Variants in PLEKHH2 observed in about 807,000 individuals in gnomAD.
PLEKHH2 encodes pleckstrin homology domain-containing family H member 2.
In PLEKHH2, 129 loss-of-function variants were observed where a neutral mutation model predicts 187.9. That is an observed-to-expected ratio of 0.69 (90% CI 0.59 to 0.79). The LOEUF (loss-of-function observed/expected upper bound fraction) is 0.79. Among genes scored for constraint, PLEKHH2 ranks in the 30% least tolerant of loss-of-function variants. The pLI is 0.00. For missense variants in PLEKHH2, 2,076 were observed against 1,751.2 expected (o/e 1.19, Z -3.31); for synonymous variants, 686 against 605.6 (o/e 1.13, Z -1.95).
chr2:43,700,753 A>G (rs755583851), intron 8 of PLEKHH2, 145 bp downstream of exon 8: 7 of 1,080,714 alleles, frequency 6.5e-6, no homozygotes, highest in East Asian at 2.4e-5. Context: ...CCCGGGTTCA[A>G]GTGATTCTCC....
intron 1 of PLEKHH2, among the ~76,000 whole-genome samples, chr2:43,642,490 T>C (rs765168188): frequency 3.9e-5 from 6 of 152,174 alleles, no homozygotes; most frequent in Non-Finnish European, 7.4e-5. Flanking sequence ...TTATCTCTAT[T>C]ACAGTGTTGA....
intron 20 of PLEKHH2, among the ~76,000 whole-genome samples, chr2:43,740,276 G>A (rs1671500658): frequency 1.3e-5 from 2 of 152,018 alleles, no homozygotes; most frequent in East Asian, 1.9e-4. Context: ...GTGTTTTATA[G>A]GATAAAGAAA....
intron 3 of PLEKHH2, among the ~76,000 whole-genome samples, chr2:43,689,649 A>T (rs1668698436): frequency 6.6e-6 from 1 of 152,208 alleles, no homozygotes; most frequent in Non-Finnish European, 1.5e-5. Flanking sequence ...ATCAGTTGGT[A>T]AGTAGGTTGC....
rs771403978 is a variant in PLEKHH2 at position 43,694,473 on chromosome 2, G to A, written c.379G>A (p.Ala127Thr). 1 of 1,559,272 alleles carries A rather than the reference G, an allele frequency of 6.4e-7. No individual in the cohort carries two copies. The highest frequency in any genetic ancestry group is 1.2e-5 in the South Asian group (1 of 85,610). Residue 127 changes from alanine to threonine, a missense_variant, in exon 5 of 30, where the codon GCA becomes ACA. Ala to Thr is a moderately conservative substitution (Grantham distance 58, BLOSUM62 0). Coordinates refer to ENST00000282406, the MANE Select transcript of PLEKHH2 (RefSeq NM_172069.4). ...IQEAKIIEEK[A>T]AKIKEWVTVK... ...AGAAGCTAAAATAATAGAAGAGAAA[G>A]CAGCTAAGATAAAAGAATGGGTAAC... is the stretch of plus-strand genomic sequence containing the variant.
chr2:43,679,043 C>G lies in PLEKHH2; in HGVS notation c.186+118C>G, dbSNP rs1421570562. 5.2e-6 allele frequency: 3 copies of G among 573,742 alleles called. No individual in the cohort carries two copies. In the Admixed American group the frequency reaches 9.3e-5, roughly 18 times the overall value. The allele number at this position is 573,742 out of a possible 1,614,324, so 35.5% of individuals were successfully genotyped here. A position where few individuals can be genotyped will look rare whatever the true frequency, so the allele number is the denominator to read the frequency against. On this transcript the variant is annotated intron_variant, in intron 3 of 29. Coordinates refer to ENST00000282406, the MANE Select transcript of PLEKHH2 (RefSeq NM_172069.4). ...TCTACATCTTATCTTTTTGACTGTT[C>G]ATAGCTTGATCCATAAAGAAAATGG...
chr2:43,745,184 C>G (rs1408202779), intron 23 of PLEKHH2, among the ~76,000 whole-genome samples: 5 of 152,068 alleles, frequency 3.3e-5, no homozygotes, highest in Non-Finnish European at 7.4e-5. Context: ...GGCATGGCGG[C>G]GGGTGCCTGT....
Position 43,743,913 on chromosome 2 carries a change from C to G in PLEKHH2, c.3479C>G (p.Ala1160Gly), listed in dbSNP as rs374082333. 1.8e-5 allele frequency: 29 copies of G among 1,613,864 alleles called. No homozygotes were observed. Among genetic ancestry groups the G allele is most frequent in the Non-Finnish European group, 2.5e-5 (29 of 1,179,916 alleles). Reference protein sequence around the residue: ...LNQDTGMRKPAQSGFALFTDD... With the variant: ...LNQDTGMRKPGQSGFALFTDD... The stretch of plus-strand genomic sequence containing the variant: ...CAGGACACAGGAATGAGGAAACCAG[C>G]GCAGTCTGGATTTGCGTTGTTCACT... Residue 1160 changes from alanine to glycine, a missense_variant, in exon 23 of 30, where the codon GCG becomes GGG. By Grantham distance (60) the Ala-to-Gly change is moderately conservative. Coordinates refer to ENST00000282406, the MANE Select transcript of PLEKHH2 (RefSeq NM_172069.4).
chr2:43,716,972 T>A (rs912705390), intron 15 of PLEKHH2, among the ~76,000 whole-genome samples: 1 of 152,222 alleles, frequency 6.6e-6, no homozygotes, highest in Non-Finnish European at 1.5e-5. Flanking sequence ...AGCAAAGGAA[T>A]ACAGCATAAT....
chr2:43,702,870 C>G (rs1488998395), intron 8 of PLEKHH2, among the ~76,000 whole-genome samples: 1 of 152,084 alleles, frequency 6.6e-6, no homozygotes. Context: ...ATCCATTGCC[C>G]CTGCTCCCAG....
chr2:43,646,176 A>T (rs1429589410), intron 2 of PLEKHH2, among the ~76,000 whole-genome samples: 2 of 152,182 alleles, frequency 1.3e-5, no homozygotes, highest in Non-Finnish European at 2.9e-5. Flanking sequence ...CAAAATTATT[A>T]AAATTATAGC....
At chr2:43,738,591 C>T (rs1671412429) in intron 20 of PLEKHH2, 71 bp downstream of exon 20, 3 of 1,375,564 alleles carry the variant, frequency 2.2e-6, no homozygotes, top group Admixed American at 2.2e-5. Context: ...GAATGATACA[C>T]ATTCAGCATA....
chr2:43,755,240 T>C (rs976695962), intron 25 of PLEKHH2, among the ~76,000 whole-genome samples: 5 of 152,128 alleles, frequency 3.3e-5, no homozygotes, highest in African/African-American at 1.2e-4. Flanking sequence ...GTCTCCTCTT[T>C]ATGATACTGC....
In PLEKHH2 at chr2:43,742,726, A is replaced by C. The variant is rs756640400; in HGVS notation, c.3222-15A>C. On this transcript the variant is annotated splice_polypyrimidine_tract_variant and intron_variant, in intron 21 of 29. Transcript: ENST00000282406. ...AAATTTATTCTTAGATTTTATCTTA[A>C]GTTTTGTATTACAGGACAGAATTTG... 1 of 1,502,950 alleles carries C rather than the reference A, an allele frequency of 6.7e-7. No individual in the cohort carries two copies. The highest frequency in any genetic ancestry group is 1.4e-5 in the South Asian group (1 of 73,560). 93.1% of individuals were successfully genotyped at this position (1,502,950 alleles called of 1,614,324 possible).
At chr2:43,682,967 G>C (rs570293315) in intron 3 of PLEKHH2, among the ~76,000 whole-genome samples, 3 of 149,022 alleles carry the variant, frequency 2.0e-5, no homozygotes, top group African/African-American at 7.5e-5. Context: ...CACACAATTT[G>C]TTTATCCATT....
intron 29 of PLEKHH2, 150 bp from the exon 30 acceptor site, chr2:43,765,263 G>A: frequency 4.6e-6 from 3 of 657,542 alleles, no homozygotes; most frequent in Non-Finnish European, 7.6e-6. Flanking sequence ...TGCTGGACAT[G>A]TAAGCACTTC....
At chr2:43,719,343 C>G (rs1251652735) in intron 15 of PLEKHH2, among the ~76,000 whole-genome samples, 1 of 152,164 alleles carries the variant, frequency 6.6e-6, no homozygotes, top group African/African-American at 2.4e-5. Context: ...TATTTTATTA[C>G]TTTGTATGAT....
intron 17 of PLEKHH2, among the ~76,000 whole-genome samples, chr2:43,728,554 A>G (rs1335424759): frequency 7.0e-6 from 1 of 142,706 alleles, no homozygotes; most frequent in Non-Finnish European, 1.5e-5. Flanking sequence ...TTTGTTCAAC[A>G]CAATACTCTT....
chr2:43,707,454 G>A lies in PLEKHH2; in HGVS notation c.1875G>A (p.Glu625=). 6.2e-7 allele frequency: 1 copy of A among 1,614,126 alleles called. No homozygotes were observed. Among genetic ancestry groups the A allele is most frequent in the Non-Finnish European group, 8.5e-7 (1 of 1,180,028 alleles). Residue 625 remains glutamate (E), a synonymous_variant, in exon 11 of 30, where the codon GAG becomes GAA. Coordinates refer to ENST00000282406, the MANE Select transcript of PLEKHH2 (RefSeq NM_172069.4). ...SPFLDDSSGS[E]EEDSSRSSSR... is the part of the protein sequence containing the mutation. ...TCCTGGATGACTCATCTGGGTCAGA[G>A]GAAGAAGACAGCTCCAGATCCAGCT...
chr2:43,685,606 C>CA (rs71410197), intron 3 of PLEKHH2, among the ~76,000 whole-genome samples: 1 of 135,686 alleles, frequency 7.4e-6, no homozygotes, highest in African/African-American at 2.7e-5. Context: ...GTTTTTTAAC[C>CA]TTTTTTTTTT....
Sources: allele counts gnomAD v4.1 joint callset (sites outside exome capture counted in the v4.1 genomes callset), GRCh38; gene constraint gnomAD v4.1.1; transcripts MANE v1.5; gene names NCBI Gene and HGNC (gene_info 2026-07-23, HGNC 2026-07-21).